Variants in PAPPA2 observed in about 807,000 individuals in gnomAD.
PAPPA2 encodes the protein pappalysin-2.
PAPPA2 carries 86 observed loss-of-function variants against 176.4 expected under a neutral mutation model. That is an observed-to-expected ratio of 0.49 (90% CI 0.41 to 0.58). The LOEUF is 0.58. Among genes scored for constraint, PAPPA2 ranks in the 20% least tolerant of loss-of-function variants. PAPPA2 has a pLI of 0.00. For synonymous variants in PAPPA2, 809 were observed against 852.2 expected, an observed-to-expected ratio of 0.95 and a Z score of 0.88; for missense variants, 2,073 against 2,256.9, an observed-to-expected ratio of 0.92 and a Z score of 1.65.
chr1:176,703,220 A>G lies in PAPPA2; in HGVS notation c.3365+485A>G, dbSNP rs76685575. 1.1e-3 allele frequency among the ~76,000 whole-genome samples: 170 copies of G among 152,328 alleles called. 2 individuals are homozygous for G. In the East Asian group the frequency reaches 0.02, roughly 18 times the overall value. ...CTTTCGGATCTTCAGTTTCTCATGC[A>G]ACCCTTAGTAGAACTGATAACAATA... On this transcript the variant is annotated intron_variant, in intron 9 of 22. Transcript: ENST00000367662.
intron 1 of PAPPA2, chr1:176,553,773 T>C (rs1488427858): frequency 6.6e-6 from 1 of 151,422 alleles, no homozygotes; most frequent in African/African-American, 2.4e-5. Flanking sequence ...TGGGGTGGCA[T>C]GCGGGAGGGG....
chr1:176,535,538 G>A (rs1352469195), intron 1 of PAPPA2, among the ~76,000 whole-genome samples: 18 of 152,170 alleles, frequency 1.2e-4, no homozygotes, highest in Admixed American at 1.2e-3. Context: ...GAGATGTGGG[G>A]GCCAGTATTC....
At chr1:176,612,187 CGTTTG>C in intron 3 of PAPPA2, among the ~76,000 whole-genome samples, 1 of 152,118 alleles carries the variant, frequency 6.6e-6, no homozygotes, top group African/African-American at 2.4e-5. Context: ...TGAGACCAGG[CGTTTG>C]AGACCAGCCT....
chr1:176,463,638 C>T (rs976559402), intron 1 of PAPPA2, among the ~76,000 whole-genome samples: 5 of 152,162 alleles, frequency 3.3e-5, no homozygotes, highest in African/African-American at 1.2e-4. Flanking sequence ...GGCTCAGTTT[C>T]TCCAGTCTAA....
At chr1:176,627,362 T>C (rs74958907) in intron 3 of PAPPA2, among the ~76,000 whole-genome samples, 5,448 of 152,256 alleles carry the variant, frequency 0.036, 334 homozygotes, top group African/African-American at 0.12. Flanking sequence ...AAATTCTAGA[T>C]AAGAATCTGA....
chr1:176,484,907 GC>G, intron 1 of PAPPA2, among the ~76,000 whole-genome samples: 1 of 152,086 alleles, frequency 6.6e-6, no homozygotes, highest in South Asian at 2.1e-4. Flanking sequence ...CTTCTTTCCT[GC>G]CCCAGCACCA....
At chr1:176,529,475 C>T (rs922547308) in intron 1 of PAPPA2, among the ~76,000 whole-genome samples, 3 of 151,986 alleles carry the variant, frequency 2.0e-5, no homozygotes, top group Non-Finnish European at 4.4e-5. Context: ...CCGAGATCCA[C>T]ACTTTGAAGT....
intron 3 of PAPPA2, among the ~76,000 whole-genome samples, chr1:176,631,461 G>T (rs1008847034): frequency 6.6e-6 from 1 of 152,144 alleles, no homozygotes; most frequent in South Asian, 2.1e-4. Context: ...AAAATTGACT[G>T]TGGAGATGAT....
At chr1:176,498,087 T>C (rs1647728204) in intron 1 of PAPPA2, among the ~76,000 whole-genome samples, 1 of 152,226 alleles carries the variant, frequency 6.6e-6, no homozygotes, top group Non-Finnish European at 1.5e-5. Context: ...TTGAACACAG[T>C]GGTGGAGAGT....
chr1:176,568,902 C>T lies in PAPPA2; in HGVS notation c.919+11661C>T, dbSNP rs138902391. Among the ~76,000 whole-genome samples the T allele has an allele frequency of 4.5e-3, 685 of 152,254 alleles. 7 individuals carry two copies. The highest frequency in any genetic ancestry group is 7.4e-3 in the Non-Finnish European group (500 of 68,016). ...AGGAGCATTTTCAAATACAAAGCAG[C>T]GCAAGTCACTTTCCTGCCTACAACC... is the stretch of plus-strand genomic sequence containing the variant. On this transcript the variant is annotated intron_variant, in intron 2 of 22. Coordinates refer to ENST00000367662, the MANE Select transcript of PAPPA2 (RefSeq NM_020318.3).
At chr1:176,513,039 G>C (rs775967149) in intron 1 of PAPPA2, among the ~76,000 whole-genome samples, 3 of 152,166 alleles carry the variant, frequency 2.0e-5, no homozygotes, top group Non-Finnish European at 4.4e-5. Context: ...TATACCATCA[G>C]CTCTCTTGCT....
At chr1:176,583,468 C>T (rs1156720178) in intron 2 of PAPPA2, among the ~76,000 whole-genome samples, 3 of 152,038 alleles carry the variant, frequency 2.0e-5, no homozygotes, top group Admixed American at 6.6e-5. Flanking sequence ...ATTATTTCTT[C>T]ACCCATTAGA....
At chr1:176,636,870 G>A (rs558438810) in intron 3 of PAPPA2, among the ~76,000 whole-genome samples, 4 of 152,194 alleles carry the variant, frequency 2.6e-5, no homozygotes, top group Non-Finnish European at 4.4e-5. Flanking sequence ...AAGCAGTAAG[G>A]CATGTATGCA....
rs528958755 is a variant in PAPPA2, at chr1:176,640,636, G to A, written c.1992-30334G>A. Among the ~76,000 whole-genome samples the A allele has an allele frequency of 7.5e-4, 114 of 152,078 alleles. 1 individual carries two copies. In the South Asian group the frequency reaches 0.023, roughly 31 times the overall value. ...CCAAGTCTTTGCTCTTGTGAATAGT[G>A]CCGCAATAAATATACGTGTGCATGT... On this transcript the variant is annotated intron_variant, in intron 3 of 22. Transcript: ENST00000367662.
intron 16 of PAPPA2, 132 bp downstream of exon 16, chr1:176,769,916 T>G: frequency 1.0e-6 from 1 of 980,376 alleles, no homozygotes; most frequent in Admixed American, 3.1e-5. Context: ...TTCTGATAAC[T>G]CCAGAAAAGT....
intron 9 of PAPPA2, 64 bp from the exon 10 acceptor site, chr1:176,706,295 A>G (rs780066694): frequency 1.1e-5 from 16 of 1,400,318 alleles, no homozygotes; most frequent in Non-Finnish European, 1.6e-5. Flanking sequence ...ATTTTAAATG[A>G]TGGTAGCTAA....
intron 3 of PAPPA2, among the ~76,000 whole-genome samples, chr1:176,635,673 A>G (rs560870803): frequency 2.6e-4 from 40 of 152,210 alleles, no homozygotes; most frequent in African/African-American, 8.7e-4. Flanking sequence ...TTGGAAATTA[A>G]TTCTTCCTGG....
At chr1:176,642,765 C>T (rs1657169799) in intron 3 of PAPPA2, among the ~76,000 whole-genome samples, 1 of 151,900 alleles carries the variant, frequency 6.6e-6, no homozygotes, top group South Asian at 2.1e-4. Context: ...GAGAAAGGAT[C>T]ACTGTCAAGT....
At chr1:176,627,491 T>C (rs1656098991) in intron 3 of PAPPA2, among the ~76,000 whole-genome samples, 1 of 152,224 alleles carries the variant, frequency 6.6e-6, no homozygotes, top group Non-Finnish European at 1.5e-5. Flanking sequence ...TCGAAAGCTC[T>C]TATCCACTGC....
Sources: gnomAD v4.1 joint callset for allele counts (sites outside exome capture counted in the v4.1 genomes callset) on GRCh38, gnomAD v4.1.1 for gene constraint, MANE v1.5 for transcripts, NCBI Gene and HGNC (gene_info 2026-07-23, HGNC 2026-07-21) for gene names.